Variants in FAM133B observed in about 807,000 individuals in gnomAD.
FAM133B encodes family with sequence similarity 133 member B, also known as protein FAM133B.
FAM133B carries 25 observed loss-of-function variants against 46.4 expected under a neutral mutation model. The observed-to-expected ratio is 0.54, with a 90% CI of 0.39 to 0.75. The LOEUF (loss-of-function observed/expected upper bound fraction) is 0.75. FAM133B is among the 30% of genes least tolerant of loss of function. FAM133B has a pLI of 0.00. For synonymous variants in FAM133B, 75 were observed against 86.0 expected (o/e 0.87, Z 0.71); for missense variants, 205 against 277.6 (o/e 0.74, Z 1.86).
chr7:92,578,519 TAC>T (rs761998124), intron 3 of FAM133B, 126 bp from the exon 4 acceptor site: 9 of 831,630 alleles, frequency 1.1e-5, no homozygotes, highest in South Asian at 1.6e-5. Flanking sequence ...AGCTTCTAAT[TAC>T]AGTCAAAAGA....
Position 92,576,044 on chromosome 7 carries a change from T to G in FAM133B, c.466-223A>C, listed in dbSNP as rs7794389. The stretch of plus-strand genomic sequence containing the variant: ...CTGTATACCAAATTTACTCTTAAAA[T>G]GATAAGTACTGTCTGTAATACCCAC... On this transcript the variant is annotated intron_variant, in intron 7 of 10. Coordinates refer to ENST00000445716, the MANE Select transcript of FAM133B (RefSeq NM_152789.4). Among the ~76,000 whole-genome samples, 1,293 of 152,352 alleles carry G rather than the reference T, an allele frequency of 8.5e-3. 5 individuals are homozygous for G. The highest frequency in any genetic ancestry group is 0.017 in the Middle Eastern group (5 of 294).
chr7:92,579,768 T>C (rs938994279), intron 2 of FAM133B, among the ~76,000 whole-genome samples: 9 of 152,204 alleles, frequency 5.9e-5, no homozygotes, highest in Non-Finnish European at 1.3e-4. Context: ...GAAATCCACC[T>C]AAGGTCATAA....
intron 10 of FAM133B, among the ~76,000 whole-genome samples, chr7:92,565,008 G>A (rs1362111079): frequency 6.6e-6 from 1 of 152,050 alleles, no homozygotes; most frequent in Non-Finnish European, 1.5e-5. Context: ...GCTAGTGCTT[G>A]GAGAGGCTTT....
chr7:92,586,689 T>C (rs1286129507), intron 1 of FAM133B, among the ~76,000 whole-genome samples: 3 of 152,172 alleles, frequency 2.0e-5, no homozygotes, highest in Non-Finnish European at 2.9e-5. Context: ...CTCAAGGGGA[T>C]ATGTATGGGG....
At chr7:92,571,280 G>C (rs150063096) in intron 8 of FAM133B, among the ~76,000 whole-genome samples, 1 of 152,058 alleles carries the variant, frequency 6.6e-6, no homozygotes, top group Admixed American at 6.5e-5. Flanking sequence ...TTTATCAATC[G>C]TATCAGAGAA....
At chr7:92,588,711 G>A (rs1037805208) in intron 1 of FAM133B, among the ~76,000 whole-genome samples, 30 of 152,236 alleles carry the variant, frequency 2.0e-4, no homozygotes, top group African/African-American at 5.8e-4. Context: ...CTGGATCATG[G>A]GGGCGGAGTT....
At chr7:92,590,032 A>T in intron 1 of FAM133B, 1 of 602,794 alleles carries the variant, frequency 1.7e-6, no homozygotes, top group Non-Finnish European at 2.9e-6. Context: ...AGCGCCAGAA[A>T]GAGCGACGAG....
chr7:92,579,629 C>A (rs1003038921), intron 2 of FAM133B, among the ~76,000 whole-genome samples: 1 of 152,150 alleles, frequency 6.6e-6, no homozygotes, highest in African/African-American at 2.4e-5. Context: ...AGCTAATACA[C>A]CAAACATCTA....
intron 1 of FAM133B, 57 bp downstream of exon 1, chr7:92,590,211 C>A (rs1795160503): frequency 6.2e-7 from 1 of 1,613,072 alleles, no homozygotes. Context: ...CGAGGGTTCT[C>A]GCTGTCCTGC....
chr7:92,565,991 TA>T (rs1471321175), intron 10 of FAM133B, 22 bp downstream of exon 10: 16 of 1,612,996 alleles, frequency 9.9e-6, no homozygotes, highest in Non-Finnish European at 1.4e-5. Context: ...CTATTGTCTG[TA>T]AAAACGTTAA....
In FAM133B at chr7:92,590,377, C is replaced by A. The variant is rs560386666; in HGVS notation, c.-86G>T. 2.3e-4 allele frequency: 359 copies of A among 1,591,006 alleles called. No homozygotes were observed. In the African/African-American group the frequency reaches 4.4e-3, roughly 20 times the overall value. On this transcript the variant is annotated 5_prime_UTR_variant, in exon 1 of 11. Coordinates refer to ENST00000445716, the MANE Select transcript of FAM133B (RefSeq NM_152789.4). ...GAGGGCCTGCCGCAGGTCCTCTTGC[C>A]GCCTCCCCACTCCGCCTAGAGAGCG...
chr7:92,570,590 GA>G (rs1248541078), intron 8 of FAM133B, among the ~76,000 whole-genome samples: 1 of 152,036 alleles, frequency 6.6e-6, no homozygotes, highest in East Asian at 1.9e-4. Context: ...ATTTTTCATG[GA>G]ACTGTTCTGT....
intron 10 of FAM133B, among the ~76,000 whole-genome samples, chr7:92,563,253 C>T (rs746849368): frequency 2.0e-5 from 3 of 152,200 alleles, no homozygotes; most frequent in Non-Finnish European, 2.9e-5. Flanking sequence ...AAGGCCTCTA[C>T]CACTCTGTGG....
At chr7:92,590,206 G>A in intron 1 of FAM133B, 62 bp downstream of exon 1, 1 of 1,611,060 alleles carries the variant, frequency 6.2e-7, no homozygotes, top group Non-Finnish European at 8.5e-7. Context: ...AACAGCGAGG[G>A]TTCTCGCTGT....
At chr7:92,587,254 G>T (rs969335530) in intron 1 of FAM133B, among the ~76,000 whole-genome samples, 1 of 152,100 alleles carries the variant, frequency 6.6e-6, no homozygotes, top group Admixed American at 6.5e-5. Flanking sequence ...GAAAGAACAG[G>T]AACTGTTTTT....
intron 9 of FAM133B, among the ~76,000 whole-genome samples, chr7:92,568,287 C>T (rs570450684): frequency 2.6e-5 from 4 of 151,824 alleles, no homozygotes; most frequent in East Asian, 3.9e-4. Flanking sequence ...TTTTGAAGGG[C>T]GTATGTAATA....
At chr7:92,573,757 T>A (rs1335075005) in intron 8 of FAM133B, among the ~76,000 whole-genome samples, 4 of 152,224 alleles carry the variant, frequency 2.6e-5, no homozygotes, top group African/African-American at 9.6e-5. Flanking sequence ...TGACAACTAC[T>A]GAAATAATCA....
chr7:92,567,200 G>A (rs1198331339), intron 9 of FAM133B, among the ~76,000 whole-genome samples: 1 of 152,190 alleles, frequency 6.6e-6, no homozygotes, highest in African/African-American at 2.4e-5. Context: ...CTGGGCGATA[G>A]AGCAAGAACC....
intron 1 of FAM133B, 191 bp from the exon 2 acceptor site, chr7:92,581,794 TTG>T (rs10578440): frequency 0.35 from 111,079 of 314,152 alleles, 15,964 homozygotes; most frequent in Non-Finnish European, 0.42. Flanking sequence ...TGGGAGAAAA[TTG>T]TGTGTGTGTG....
Sources: allele counts gnomAD v4.1 joint callset (sites outside exome capture counted in the v4.1 genomes callset), GRCh38; gene constraint gnomAD v4.1.1; transcripts MANE v1.5; gene names NCBI Gene and HGNC (gene_info 2026-07-23, HGNC 2026-07-21).